The following DMD variants were observed in gnomAD, a reference collection of about 807,000 sequenced individuals.
DMD encodes mutant dystrophin.
In DMD, 63 loss-of-function variants were observed where a neutral mutation model predicts 330.1. That is an observed-to-expected ratio of 0.19 (90% CI 0.16 to 0.24). The LOEUF (loss-of-function observed/expected upper bound fraction) is 0.24, where lower values mean the gene tolerates loss of function less well. Ranked by LOEUF, DMD falls within the 10% of genes least tolerant of loss-of-function variation. The probability of loss-of-function intolerance (pLI) is 1.00; values close to 1 mark genes in which losing one functional copy is unlikely to be tolerated. For synonymous variants in DMD, 1,223 were observed against 959.8 expected (o/e 1.27, Z -5.07); for missense variants, 3,344 against 2,684.1 (o/e 1.25, Z -5.43).
rs1603513942 is a variant in DMD, at chrX:31,875,279, T to C, written c.7007A>G (p.Gln2336Arg). ...TAACCACAGCAGCAGATGATTTAAC[T>C]GCTCTTCAAGGTCTTCAAGCTTTTT... ...LEKKLEDLEE[Q>R]LNHLLLWLSP... is the part of the protein sequence containing the mutation. The change falls in exon 48 of 79, where the codon CAG (glutamine) becomes CGG (arginine). Residue 2336 changes from glutamine to arginine, a missense_variant. Gln to Arg is a conservative substitution (Grantham distance 43). Coordinates refer to ENST00000357033, the MANE Select transcript of DMD (RefSeq NM_004006.3). 8.3e-7 allele frequency: 1 copy of C among 1,207,702 alleles called. No individual in the cohort carries two copies. The highest frequency in any genetic ancestry group is 1.1e-6 in the Non-Finnish European group (1 of 892,647).
intron 34 of DMD, among the ~76,000 whole-genome samples, chrX:32,376,317 T>C (rs1250596074): frequency 9.0e-6 from 1 of 111,431 alleles, no homozygotes; most frequent in Non-Finnish European, 1.9e-5. Context: ...TCGGTATCTA[T>C]TTGGTTTCCC....
chrX:31,945,021 A>G (rs2095067482), intron 45 of DMD, among the ~76,000 whole-genome samples: 1 of 111,614 alleles, frequency 9.0e-6, no homozygotes, highest in Non-Finnish European at 1.9e-5. Flanking sequence ...TTTATTAGAG[A>G]CAGAGGGAGG....
chrX:32,723,823 A>G (rs1464295435), intron 7 of DMD, among the ~76,000 whole-genome samples: 2 of 110,026 alleles, frequency 1.8e-5, no homozygotes, highest in East Asian at 5.7e-4. Context: ...TTGAAGAATA[A>G]TTATCTTAGG....
chrX:31,893,473 A>G (rs2094287766), intron 47 of DMD, among the ~76,000 whole-genome samples: 1 of 110,869 alleles, frequency 9.0e-6, no homozygotes, highest in Non-Finnish European at 1.9e-5. Flanking sequence ...CAGGCTGCAT[A>G]TCACGCAACC....
At chrX:32,553,452 T>C (rs1348155853) in intron 16 of DMD, among the ~76,000 whole-genome samples, 1 of 95,969 alleles carries the variant, frequency 1.0e-5, no homozygotes, top group African/African-American at 4.9e-5. Context: ...AAAAACTACT[T>C]ATTGGGTACT....
At chrX:31,984,646 T>C (rs1166884084) in intron 44 of DMD, among the ~76,000 whole-genome samples, 1 of 112,631 alleles carries the variant, frequency 8.9e-6, no homozygotes, top group Non-Finnish European at 1.9e-5. Context: ...TTATTTCACA[T>C]GCACTTGCTT....
chrX:31,277,377 T>C (rs950127707), intron 62 of DMD, among the ~76,000 whole-genome samples: 1 of 111,900 alleles, frequency 8.9e-6, no homozygotes, highest in Non-Finnish European at 1.9e-5. Flanking sequence ...AAAAGGTGGG[T>C]ATAATTTGGT....
At chrX:33,014,859 A>T (rs1434633171) in intron 2 of DMD, among the ~76,000 whole-genome samples, 1 of 111,988 alleles carries the variant, frequency 8.9e-6, no homozygotes, top group Non-Finnish European at 1.9e-5. Context: ...CTTTTATTAT[A>T]TGTTTTGTTA....
chrX:32,250,390 T>C (rs1267034720), intron 43 of DMD, among the ~76,000 whole-genome samples: 2 of 112,223 alleles, frequency 1.8e-5, no homozygotes, highest in Non-Finnish European at 3.8e-5. Flanking sequence ...TTTTAGCTAA[T>C]ATTGTGGCAA....
At chrX:33,283,916 G>A (rs1294342373) in intron 1 of DMD, among the ~76,000 whole-genome samples, 1 of 109,821 alleles carries the variant, frequency 9.1e-6, no homozygotes, top group Non-Finnish European at 1.9e-5. Flanking sequence ...TACTCAGGAG[G>A]CTGAGGCAGG....
chrX:32,924,816 C>G (rs2088813557), intron 2 of DMD, among the ~76,000 whole-genome samples: 1 of 111,134 alleles, frequency 9.0e-6, no homozygotes, highest in Non-Finnish European at 1.9e-5. Flanking sequence ...ATTGCTCAAC[C>G]CTATTACTGT....
chrX:32,830,073 G>A (rs1408506510), intron 4 of DMD, among the ~76,000 whole-genome samples: 1 of 111,520 alleles, frequency 9.0e-6, no homozygotes, highest in Non-Finnish European at 1.9e-5. Context: ...AGAGGAGGGA[G>A]GTATTTGTCA....
intron 41 of DMD, among the ~76,000 whole-genome samples, chrX:32,339,061 G>A (rs2097728975): frequency 8.9e-6 from 1 of 111,906 alleles, no homozygotes; most frequent in South Asian, 3.7e-4. Context: ...ACAGAAAGGA[G>A]ACGAAGAAAA....
intron 2 of DMD, among the ~76,000 whole-genome samples, chrX:32,886,466 A>G (rs1322840828): frequency 1.8e-5 from 2 of 110,709 alleles, no homozygotes; most frequent in Admixed American, 9.6e-5. Flanking sequence ...GGAAGATTAC[A>G]AGGTCAGGAG....
chrX:32,833,016 A>G (rs1352916500), intron 4 of DMD, among the ~76,000 whole-genome samples: 2 of 111,781 alleles, frequency 1.8e-5, no homozygotes, highest in African/African-American at 6.5e-5. Context: ...CACTACAAAG[A>G]TACTATCTCT....
chrX:33,087,850 A>T (rs1363430638), intron 1 of DMD, among the ~76,000 whole-genome samples: 1 of 110,770 alleles, frequency 9.0e-6, no homozygotes, highest in Non-Finnish European at 1.9e-5. Flanking sequence ...TTCTTTTTGG[A>T]TCTTTATGAC....
chrX:31,373,864 A>G (rs780573091), intron 60 of DMD, among the ~76,000 whole-genome samples: 4 of 109,401 alleles, frequency 3.7e-5, no homozygotes, highest in African/African-American at 1.3e-4. Context: ...AAAAGAAACT[A>G]CCATCAGAGT....
intron 12 of DMD, among the ~76,000 whole-genome samples, chrX:32,605,041 G>GA (rs989114771): frequency 9.1e-6 from 1 of 110,444 alleles, no homozygotes; most frequent in African/African-American, 3.3e-5. Flanking sequence ...CACAGAATTA[G>GA]AAAAAGATAG....
At chrX:33,028,335 T>A (rs1250002362) in intron 1 of DMD, among the ~76,000 whole-genome samples, 2 of 112,017 alleles carry the variant, frequency 1.8e-5, no homozygotes, top group African/African-American at 6.5e-5. Flanking sequence ...ATGGAGAAAC[T>A]ACAGTTCTGT....
Sources: allele counts gnomAD v4.1 joint callset (sites outside exome capture counted in the v4.1 genomes callset), GRCh38; gene constraint gnomAD v4.1.1; transcripts MANE v1.5; gene names NCBI Gene and HGNC (gene_info 2026-07-23, HGNC 2026-07-21).